The following PIEZO2 variants were observed in gnomAD, a reference collection of about 807,000 sequenced individuals.
PIEZO2 encodes piezo-type mechanosensitive ion channel component 2.
In PIEZO2, 172 loss-of-function variants were observed where a neutral mutation model predicts 337.3. That is an observed-to-expected ratio of 0.51 (90% confidence interval 0.45 to 0.58). The LOEUF (loss-of-function observed/expected upper bound fraction) is 0.58, where lower values mean the gene tolerates loss of function less well. Ranked by LOEUF, PIEZO2 falls within the 20% of genes least tolerant of loss-of-function variation. The pLI is 0.00. For missense variants in PIEZO2, 3,028 were observed against 3,391.3 expected (o/e 0.89, Z 2.66); for synonymous variants, 1,251 against 1,228.5 (o/e 1.02, Z -0.38).
chr18:10,794,719 G>A lies in PIEZO2; in HGVS notation c.1758+53C>T. On this transcript the variant is annotated intron_variant, in intron 13 of 55. Coordinates refer to ENST00000674853, the MANE Select transcript of PIEZO2 (RefSeq NM_001378183.1). This position sits in a 1 kb window ranked among gnomAD's most constrained non-coding sequence, Gnocchi z 6.6. ...GGTTTCTCTTGGATACGATTATGAT[G>A]ATGATTGTGGTTTTGTGTCATTGTT... 1 of 1,272,684 alleles carries A rather than the reference G, an allele frequency of 7.9e-7. No individual in the cohort carries two copies. The highest frequency in any genetic ancestry group is 1.1e-6 in the Non-Finnish European group (1 of 935,338). 78.8% of individuals were successfully genotyped at this position (1,272,684 alleles called of 1,614,324 possible). A position where few individuals can be genotyped will look rare whatever the true frequency, so the allele number is the denominator to read the frequency against.
Position 10,680,289 on chromosome 18 carries a change from G to T in PIEZO2, c.7862C>A (p.Thr2621Asn). 1 of 1,614,016 alleles carries T rather than the reference G, an allele frequency of 6.2e-7. No individual in the cohort carries two copies. The highest frequency in any genetic ancestry group is 8.5e-7 in the Non-Finnish European group (1 of 1,179,884). Residue 2621 changes from threonine to asparagine, a missense_variant, in exon 52 of 56, where the codon ACC becomes AAC. Coordinates refer to ENST00000674853, the MANE Select transcript of PIEZO2 (RefSeq NM_001378183.1). ...ELEGNSNSLW[T>N]ISPPSKQKMI... ...TTTCTGCTTACTGGGTGGGCTGATG[G>T]TCCACAAAGAATTTGAGTTTCCTTC...
chr18:11,063,088 T>C (rs1473788521), intron 2 of PIEZO2, among the ~76,000 whole-genome samples: 3 of 152,034 alleles, frequency 2.0e-5, no homozygotes, highest in Non-Finnish European at 4.4e-5. Context: ...TATTATATTA[T>C]ATGCAGCATA....
intron 9 of PIEZO2, among the ~76,000 whole-genome samples, chr18:10,803,091 C>G (rs764680284): frequency 1.3e-5 from 2 of 152,134 alleles, no homozygotes; most frequent in Non-Finnish European, 2.9e-5. Flanking sequence ...GAATCTGCAA[C>G]CATATCAGTG....
chr18:10,804,831 G>T (rs1043412721), intron 8 of PIEZO2, among the ~76,000 whole-genome samples: 2 of 152,176 alleles, frequency 1.3e-5, no homozygotes, highest in Non-Finnish European at 2.9e-5. Flanking sequence ...CTGGAACTAT[G>T]ATATAATCAG....
intron 1 of PIEZO2, among the ~76,000 whole-genome samples, chr18:11,124,806 C>G (rs1432141755): frequency 1.3e-5 from 2 of 152,144 alleles, no homozygotes; most frequent in Non-Finnish European, 2.9e-5. Context: ...CTTTAAATGC[C>G]AGTGCTCCAT....
At chr18:10,691,611 A>G (rs185589965) in intron 47 of PIEZO2, among the ~76,000 whole-genome samples, 126 of 151,920 alleles carry the variant, frequency 8.3e-4, no homozygotes, top group African/African-American at 2.7e-3. Flanking sequence ...TCTGTCTTAT[A>G]CTGTTGTTTA....
intron 39 of PIEZO2, among the ~76,000 whole-genome samples, chr18:10,711,999 A>T (rs951007740): frequency 6.6e-6 from 1 of 152,240 alleles, no homozygotes; most frequent in African/African-American, 2.4e-5. Flanking sequence ...AAACAAATAA[A>T]AGAAACATCA....
At chr18:11,064,406 A>T (rs1252666464) in intron 2 of PIEZO2, among the ~76,000 whole-genome samples, 1 of 152,188 alleles carries the variant, frequency 6.6e-6, no homozygotes, top group Non-Finnish European at 1.5e-5. Flanking sequence ...CTCCTCTTTT[A>T]CCACGAGCAG....
At position 10,918,732 on chromosome 18, in the gene PIEZO2, G is replaced by A. The variant is rs535407825; in HGVS notation, c.287-7504C>T. On this transcript the variant is annotated intron_variant, in intron 3 of 55. Coordinates refer to ENST00000674853, the MANE Select transcript of PIEZO2 (RefSeq NM_001378183.1). Reference sequence around the variant, plus strand: ...ATACAAAATACAACCACTCTATTTCGAATCCTGCTTTAATTACATATTAAT... The same window carrying A: ...ATACAAAATACAACCACTCTATTTCAAATCCTGCTTTAATTACATATTAAT... Among the ~76,000 whole-genome samples, 14 of 151,862 alleles carry A rather than the reference G, an allele frequency of 9.2e-5. No homozygotes were observed. In the East Asian group the frequency reaches 2.1e-3, roughly 23 times the overall value.
intron 4 of PIEZO2, among the ~76,000 whole-genome samples, chr18:10,886,378 GTGTATATATATATATA>G (rs2042593659): frequency 3.1e-4 from 1 of 3,180 alleles, no homozygotes; most frequent in Non-Finnish European, 4.8e-4. Flanking sequence ...ATGTGTGTGT[GTGTATATATATATATA>G]TATATATATA....
chr18:11,059,363 A>G (rs977721158), intron 2 of PIEZO2, among the ~76,000 whole-genome samples: 1 of 152,192 alleles, frequency 6.6e-6, no homozygotes, highest in Admixed American at 6.5e-5. Flanking sequence ...AGGCAAAATA[A>G]CCAGCTAACA....
chr18:10,852,063 A>C (rs1340978161), intron 7 of PIEZO2, among the ~76,000 whole-genome samples: 1 of 152,204 alleles, frequency 6.6e-6, no homozygotes, highest in African/African-American at 2.4e-5. Flanking sequence ...GCAGTACAAA[A>C]CTTTTTGCTA....
chr18:10,726,342 C>T lies in PIEZO2; in HGVS notation c.5029+5065G>A. On this transcript the variant is annotated intron_variant, in intron 36 of 55. Transcript: ENST00000674853. The surrounding 1 kb of genome is among the most constrained non-coding windows in gnomAD (Gnocchi z 5.9). ...GGGTCCCCGAACGCCCCGCCCAGCG[C>T]TGCCTCCCTTCGCCTTCCCCGCAGG... is the stretch of plus-strand genomic sequence containing the variant. 1.7e-5 allele frequency: 25 copies of T among 1,485,272 alleles called. No homozygotes were observed. The highest frequency in any genetic ancestry group is 2.2e-5 in the Non-Finnish European group (25 of 1,115,758). 92.0% of individuals were successfully genotyped at this position (1,485,272 alleles called of 1,614,324 possible).
At chr18:10,820,485 GT>G (rs1371093127) in intron 7 of PIEZO2, among the ~76,000 whole-genome samples, 1 of 151,862 alleles carries the variant, frequency 6.6e-6, no homozygotes, top group African/African-American at 2.4e-5. Context: ...TATAGCTATG[GT>G]ATTTTTGTAG....
chr18:10,785,294 G>A (rs1314269128), intron 16 of PIEZO2, among the ~76,000 whole-genome samples: 1 of 151,948 alleles, frequency 6.6e-6, no homozygotes, highest in South Asian at 2.1e-4. Flanking sequence ...TTTTCTATTG[G>A]ACCTCTAGAG....
rs750760540 is a variant in PIEZO2 at position 10,698,907 on chromosome 18, T to C, written c.6694+18A>G. On this transcript the variant is annotated intron_variant, in intron 44 of 55. Coordinates refer to ENST00000674853, the MANE Select transcript of PIEZO2 (RefSeq NM_001378183.1). Reference sequence around the variant, plus strand: ...CTGGGAGCTAACTACAGCCTAGATATATTGTGTCGACAGATACCTCTTTGG... The same window carrying C: ...CTGGGAGCTAACTACAGCCTAGATACATTGTGTCGACAGATACCTCTTTGG... 2.6e-5 allele frequency: 40 copies of C among 1,535,738 alleles called. No homozygotes were observed. The highest frequency in any genetic ancestry group is 1.7e-4 in the Middle Eastern group (1 of 5,998).
At chr18:10,920,349 C>T (rs1174984956) in intron 3 of PIEZO2, among the ~76,000 whole-genome samples, 3 of 152,014 alleles carry the variant, frequency 2.0e-5, no homozygotes, top group Admixed American at 1.3e-4. Context: ...TTAGGAGATA[C>T]GGCACTCGTC....
chr18:11,078,131 CAT>C lies in PIEZO2; in HGVS notation c.65-11911_65-11910del, dbSNP rs1201071158. Among the ~76,000 whole-genome samples the C allele has an allele frequency of 1.4e-5, 2 of 147,326 alleles. No individual in the cohort carries two copies. Among genetic ancestry groups the C allele is most frequent in the Non-Finnish European group, 3.0e-5 (2 of 67,542 alleles). On this transcript the variant is annotated intron_variant, in intron 1 of 55. Transcript: ENST00000674853. This position sits in a 1 kb window ranked among gnomAD's most constrained non-coding sequence, Gnocchi z 5.3. ...TACACATATACACACCATACACACA[CAT>C]ACACACACACTCACCACACACACAC...
rs1291583311 is a variant in PIEZO2 at position 11,028,872 on chromosome 18, C to T, written c.160+37255G>A. ...CTTCAGCAAATATTCATCAATTGCC[C>T]TGTGCCAAAGAATACATTTGGTGTC... On this transcript the variant is annotated intron_variant, in intron 2 of 55. Coordinates refer to ENST00000674853, the MANE Select transcript of PIEZO2 (RefSeq NM_001378183.1). The surrounding 1 kb of genome is among the most constrained non-coding windows in gnomAD (Gnocchi z 4.8). 6.6e-6 allele frequency among the ~76,000 whole-genome samples: 1 copy of T among 152,062 alleles called. No homozygotes were observed. Among genetic ancestry groups the T allele is most frequent in the Admixed American group, 6.5e-5 (1 of 15,272 alleles).
Sources: gnomAD v4.1 joint callset for allele counts (sites outside exome capture counted in the v4.1 genomes callset) on GRCh38, gnomAD v4.1.1 for gene constraint, Gnocchi (gnomAD v3.1) non-coding constraint, MANE v1.5 for transcripts, NCBI Gene and HGNC (gene_info 2026-07-23, HGNC 2026-07-21) for gene names.